Variants in NBAS observed in about 807,000 individuals in gnomAD.
NBAS encodes the protein NAG/BC035112 fusion.
NBAS carries 219 observed loss-of-function variants against 302.5 expected under a neutral mutation model. The ratio of observed to expected loss-of-function variants is 0.72; its 90% CI spans 0.65 to 0.81. The LOEUF (loss-of-function observed/expected upper bound fraction) is 0.81, where lower values mean the gene tolerates loss of function less well. NBAS is among the 30% of genes least tolerant of loss of function. The probability of loss-of-function intolerance (pLI) is 0.00; values close to 1 mark genes in which losing one functional copy is unlikely to be tolerated. For synonymous variants in NBAS, 1,118 were observed against 1,021.6 expected (o/e 1.09, Z -1.80); for missense variants, 2,932 against 2,841.6 (o/e 1.03, Z -0.72).
chr2:15,051,216 G>T, the NBAS span, among the ~76,000 whole-genome samples: 1 of 152,160 alleles, frequency 6.6e-6, no homozygotes, highest in Non-Finnish European at 1.5e-5. Flanking sequence ...CTCTTGTTCG[G>T]CTGTCTGTTC....
chr2:15,533,578 A>C (rs1572980155), intron 9 of NBAS, among the ~76,000 whole-genome samples: 1 of 152,170 alleles, frequency 6.6e-6, no homozygotes, highest in Non-Finnish European at 1.5e-5. Context: ...AACTATAAAG[A>C]AAGCAAGAAA....
At chr2:14,892,648 CGATT>C in the NBAS span, among the ~76,000 whole-genome samples, 3 of 151,326 alleles carry the variant, frequency 2.0e-5, no homozygotes, top group Non-Finnish European at 4.4e-5. Flanking sequence ...TTTTCAGCAT[CGATT>C]GATTAAATCA....
chr2:15,075,595 CA>C, the NBAS span, among the ~76,000 whole-genome samples: 1 of 152,244 alleles, frequency 6.6e-6, no homozygotes, highest in Admixed American at 6.5e-5. Flanking sequence ...TCTGCTGCCA[CA>C]AGCCCCAATT....
At chr2:15,144,048 A>ATATATATATATATATAT in the NBAS span, among the ~76,000 whole-genome samples, 25 of 113,802 alleles carry the variant, frequency 2.2e-4, 3 homozygotes, top group East Asian at 5.4e-3. Context: ...TATATATAAA[A>ATATATATATATATATAT]ATATATATAT....
intron 40 of NBAS, among the ~76,000 whole-genome samples, chr2:15,296,690 T>A (rs2148124110): frequency 6.6e-6 from 1 of 152,008 alleles, no homozygotes; most frequent in African/African-American, 2.4e-5. Context: ...AAAATGAAAC[T>A]TAGCCTGCCA....
the NBAS span, among the ~76,000 whole-genome samples, chr2:14,900,226 C>A: frequency 1.3e-5 from 2 of 151,606 alleles, no homozygotes; most frequent in East Asian, 1.9e-4. Flanking sequence ...ATATTAAACA[C>A]GCCTTCCATG....
the NBAS span, among the ~76,000 whole-genome samples, chr2:14,937,383 T>C: frequency 6.6e-6 from 1 of 152,180 alleles, no homozygotes; most frequent in African/African-American, 2.4e-5. Context: ...AGCAGATTTA[T>C]TTTTTACAGA....
At chr2:15,522,545 G>A (rs1027361326) in intron 9 of NBAS, among the ~76,000 whole-genome samples, 1 of 152,168 alleles carries the variant, frequency 6.6e-6, no homozygotes, top group Non-Finnish European at 1.5e-5. Flanking sequence ...CTGGGATACA[G>A]ACTTCAAAGA....
the NBAS span, among the ~76,000 whole-genome samples, chr2:14,817,287 T>C: frequency 3.3e-5 from 5 of 152,254 alleles, no homozygotes; most frequent in Non-Finnish European, 7.3e-5. Context: ...CCCATGCTTA[T>C]GCCTGGAAAA....
At chr2:15,406,116 C>CAAAAAAAAAAAAAAAAA (rs772651880) in intron 25 of NBAS, among the ~76,000 whole-genome samples, 3 of 134,528 alleles carry the variant, frequency 2.2e-5, no homozygotes, top group African/African-American at 5.6e-5. Context: ...AAAAAAAAAA[C>CAAAAAAAAAAAAAAAAA]AAAACAAAAA....
chr2:15,212,638 T>A (rs1666466977), intron 48 of NBAS, among the ~76,000 whole-genome samples: 1 of 152,100 alleles, frequency 6.6e-6, no homozygotes, highest in South Asian at 2.1e-4. Flanking sequence ...AATCCCCACG[T>A]GTAGTGGAAG....
At chr2:15,066,828 T>A in the NBAS span, among the ~76,000 whole-genome samples, 2 of 152,126 alleles carry the variant, frequency 1.3e-5, no homozygotes, top group Admixed American at 6.5e-5. Flanking sequence ...AGAACTACCA[T>A]ATGATCCAGC....
chr2:15,551,462 T>C, intron 6 of NBAS, 31 bp downstream of exon 6: 4 of 1,517,718 alleles, frequency 2.6e-6, no homozygotes, highest in South Asian at 1.2e-5. Flanking sequence ...ATTTGAAATT[T>C]TCATTCTTTA....
At chr2:15,127,900 A>C in the NBAS span, among the ~76,000 whole-genome samples, 4 of 152,304 alleles carry the variant, frequency 2.6e-5, no homozygotes, top group African/African-American at 9.6e-5. Flanking sequence ...TGAGCAATGT[A>C]GGGCGACTCG....
the NBAS span, among the ~76,000 whole-genome samples, chr2:15,064,723 G>A: frequency 6.6e-6 from 1 of 152,084 alleles, no homozygotes; most frequent in Non-Finnish European, 1.5e-5. Context: ...CATTTTATGA[G>A]GTCAGCATTA....
chr2:15,317,425 CAGA>C (rs1455040073), intron 38 of NBAS, among the ~76,000 whole-genome samples: 1 of 152,188 alleles, frequency 6.6e-6, no homozygotes, highest in African/African-American at 2.4e-5. Context: ...AAGTAAGCTT[CAGA>C]AGGTCGGTAA....
At chr2:15,034,270 A>AAG in the NBAS span, among the ~76,000 whole-genome samples, 1 of 100,690 alleles carries the variant, frequency 9.9e-6, no homozygotes, top group Non-Finnish European at 2.0e-5. Context: ...GAAAGAAAGA[A>AAG]AGAAAGAGAG....
chr2:15,424,588 A>T (rs1176381632), intron 22 of NBAS, 120 bp from the exon 23 acceptor site: 1 of 1,155,274 alleles, frequency 8.7e-7, no homozygotes, highest in Non-Finnish European at 1.3e-6. Flanking sequence ...GCATACATGT[A>T]TGTGGTTTGT....
chr2:15,228,320 C>T (rs919476407), intron 47 of NBAS, among the ~76,000 whole-genome samples: 3 of 151,970 alleles, frequency 2.0e-5, no homozygotes, highest in East Asian at 1.9e-4. Flanking sequence ...TCATTTTCCC[C>T]GAGTTAAGAA....
Sources: gnomAD v4.1 joint callset for allele counts (sites outside exome capture counted in the v4.1 genomes callset) on GRCh38, gnomAD v4.1.1 for gene constraint, MANE v1.5 for transcripts, NCBI Gene and HGNC (gene_info 2026-07-23, HGNC 2026-07-21) for gene names.